The following SCAPER variants were observed in gnomAD, a reference collection of about 807,000 sequenced individuals.
SCAPER encodes S-phase cyclin A associated protein in the ER.
A neutral mutation model predicts 182.2 loss-of-function variants in SCAPER; 98 were observed. The observed-to-expected ratio is 0.54, with a 90% CI of 0.46 to 0.64. The LOEUF (loss-of-function observed/expected upper bound fraction) is 0.64, where lower values mean the gene tolerates loss of function less well. Ranked by LOEUF, SCAPER falls within the 30% of genes least tolerant of loss-of-function variation. The probability of loss-of-function intolerance (pLI) is 0.00; values close to 1 mark genes in which losing one functional copy is unlikely to be tolerated. For missense variants in SCAPER, 1,432 were observed against 1,690.0 expected (o/e 0.85, Z 2.68); for synonymous variants, 605 against 564.6 (o/e 1.07, Z -1.01).
At chr15:76,804,688 G>A in intron 5 of SCAPER, 55 bp from the exon 6 acceptor site, 3 of 1,154,236 alleles carry the variant, frequency 2.6e-6, no homozygotes, top group African/African-American at 1.6e-5. Flanking sequence ...TAAAAACTTT[G>A]AAGAAAAAAA....
intron 23 of SCAPER, among the ~76,000 whole-genome samples, chr15:76,528,434 A>T (rs931153607): frequency 1.3e-5 from 2 of 152,204 alleles, no homozygotes; most frequent in African/African-American, 4.8e-5. Context: ...TCCCATAAGC[A>T]CATCAACATG....
chr15:76,788,969 C>T (rs2064816447), intron 8 of SCAPER, among the ~76,000 whole-genome samples: 1 of 152,106 alleles, frequency 6.6e-6, no homozygotes, highest in Admixed American at 6.6e-5. Flanking sequence ...GGCCCAATTT[C>T]TGACATTCTT....
At chr15:76,750,833 G>T (rs1170309628) in intron 15 of SCAPER, among the ~76,000 whole-genome samples, 1 of 151,856 alleles carries the variant, frequency 6.6e-6, no homozygotes, top group Non-Finnish European at 1.5e-5. Flanking sequence ...TCAGGATCAA[G>T]ATAAAGATAC....
Position 76,883,828 on chromosome 15 carries a change from C to G in SCAPER, c.-11G>C. 6.5e-7 allele frequency: 1 copy of G among 1,530,420 alleles called. No individual in the cohort carries two copies. Among genetic ancestry groups the G allele is most frequent in the Non-Finnish European group, 8.8e-7 (1 of 1,132,364 alleles). 94.8% of individuals were successfully genotyped at this position (1,530,420 alleles called of 1,614,324 possible). ...ATCACTTACCATCATTCTTTAAATT[C>G]TCTTCTATGCCAAGATCATTTATCA... On this transcript the variant is annotated 5_prime_UTR_variant, in exon 2 of 32. Coordinates refer to ENST00000563290, the MANE Select transcript of SCAPER (RefSeq NM_020843.4).
chr15:76,472,250 A>G (rs1163423450), intron 24 of SCAPER: 10 of 557,348 alleles, frequency 1.8e-5, no homozygotes, highest in Admixed American at 3.9e-5. Flanking sequence ...GAGAGGAGGT[A>G]CCCAAAAAGA....
chr15:76,768,684 G>A lies in SCAPER; in HGVS notation c.1249-1596C>T, dbSNP rs867360333. On this transcript the variant is annotated intron_variant, in intron 10 of 31. Coordinates refer to ENST00000563290, the MANE Select transcript of SCAPER (RefSeq NM_020843.4). ...CGTAAATTATGATCTCAATACAGTCGTTAGAAAAGAAATAGATCCACAGTT... is the reference window on the plus strand; with the variant it reads ...CGTAAATTATGATCTCAATACAGTCATTAGAAAAGAAATAGATCCACAGTT... Among the ~76,000 whole-genome samples the A allele has an allele frequency of 5.5e-4, 84 of 151,974 alleles. 3 individuals are homozygous for A. Among genetic ancestry groups the A allele is most frequent in the African/African-American group, 9.7e-5 (4 of 41,372 alleles).
chr15:76,558,506 T>C lies in SCAPER; in HGVS notation c.2838+15652A>G, dbSNP rs139873198. Among the ~76,000 whole-genome samples, 45 of 152,256 alleles carry C rather than the reference T, an allele frequency of 3.0e-4. No individual in the cohort carries two copies. In the East Asian group the frequency reaches 7.7e-3, roughly 26 times the overall value. On this transcript the variant is annotated intron_variant, in intron 23 of 31. Coordinates refer to ENST00000563290, the MANE Select transcript of SCAPER (RefSeq NM_020843.4). ...CTCATACAAGTCAGAATGGCTATCATTAAAAAGTCAAAAATGAACAGATGC... is the reference window on the plus strand; with the variant it reads ...CTCATACAAGTCAGAATGGCTATCACTAAAAAGTCAAAAATGAACAGATGC...
At chr15:76,825,425 A>G (rs1016295888) in intron 5 of SCAPER, among the ~76,000 whole-genome samples, 5 of 152,238 alleles carry the variant, frequency 3.3e-5, no homozygotes, top group Non-Finnish European at 7.3e-5. Flanking sequence ...ATCAAGTATA[A>G]TAACTAATGT....
intron 20 of SCAPER, among the ~76,000 whole-genome samples, chr15:76,676,118 C>A (rs927297124): frequency 6.6e-6 from 1 of 152,206 alleles, no homozygotes; most frequent in African/African-American, 2.4e-5. Flanking sequence ...AGCCACTGTG[C>A]CCGGCTGAAA....
chr15:76,468,516 T>G (rs2049867825), intron 25 of SCAPER, among the ~76,000 whole-genome samples: 2 of 152,078 alleles, frequency 1.3e-5, no homozygotes, highest in Non-Finnish European at 2.9e-5. Context: ...CAAAGGGAAC[T>G]AGGCTTTCAA....
Position 76,753,803 on chromosome 15 carries a change from T to C in SCAPER, c.1866+5A>G. The C allele has an allele frequency of 6.2e-7, 1 of 1,610,456 alleles. No individual in the cohort carries two copies. The highest frequency in any genetic ancestry group is 8.5e-7 in the Non-Finnish European group (1 of 1,177,994). ...AAGTCAACATTTAAAGCTCTTATGATATACCTTAGCTTCTTCTTCTTGTGC... is the reference window on the plus strand; with the variant it reads ...AAGTCAACATTTAAAGCTCTTATGACATACCTTAGCTTCTTCTTCTTGTGC... On this transcript the variant is annotated splice_donor_5th_base_variant and intron_variant, in intron 15 of 31. Transcript: ENST00000563290.
rs537136936 is a variant in SCAPER, at chr15:76,520,480, A to C, written c.2839-15506T>G. On this transcript the variant is annotated intron_variant, in intron 23 of 31. Coordinates refer to ENST00000563290, the MANE Select transcript of SCAPER (RefSeq NM_020843.4). The stretch of plus-strand genomic sequence containing the variant: ...TGACCCAACCACCTTGACCTCCCAA[A>C]GTCCTGGGATGACAGGCATGAGCCA... 3.3e-5 allele frequency among the ~76,000 whole-genome samples: 5 copies of C among 152,262 alleles called. No individual in the cohort carries two copies. The East Asian group carries it at 9.6e-4, about 29-fold the overall frequency.
At chr15:76,652,343 T>TATACAC (rs1414716447) in intron 21 of SCAPER, among the ~76,000 whole-genome samples, 7 of 12,236 alleles carry the variant, frequency 5.7e-4, no homozygotes, top group Non-Finnish European at 9.6e-4. Context: ...TACACATATA[T>TATACAC]ACACACACAC....
In SCAPER at chr15:76,868,743, T is replaced by C. The variant is rs933072913; in HGVS notation, c.7-6210A>G. Among the ~76,000 whole-genome samples, 13 of 152,030 alleles carry C rather than the reference T, an allele frequency of 8.6e-5. 1 individual carries two copies. Among genetic ancestry groups the C allele is most frequent in the Non-Finnish European group, 1.6e-4 (11 of 67,996 alleles). ...TTTACAGATTCAATGCAATCCCTTT[T>C]CAAAATACCAATGACATTCTTTACA... On this transcript the variant is annotated intron_variant, in intron 2 of 31. Coordinates refer to ENST00000563290, the MANE Select transcript of SCAPER (RefSeq NM_020843.4).
intron 22 of SCAPER, among the ~76,000 whole-genome samples, chr15:76,611,563 C>T (rs146159542): frequency 5.3e-5 from 8 of 152,234 alleles, no homozygotes; most frequent in African/African-American, 9.6e-5. Flanking sequence ...AGGGACTCCA[C>T]CTTAACAGAT....
Position 76,593,087 on chromosome 15 carries a change from G to T in SCAPER, c.2712-18803C>A, listed in dbSNP as rs1247404675. On this transcript the variant is annotated intron_variant, in intron 22 of 31. Coordinates refer to ENST00000563290, the MANE Select transcript of SCAPER (RefSeq NM_020843.4). ...TATCCACTGGCTTGAAATTCTTGCT[G>T]CCAGCACAGCAGTCTGAAGTCGACC... Among the ~76,000 whole-genome samples the T allele has an allele frequency of 3.3e-5, 4 of 121,512 alleles. 1 individual carries two copies. The highest frequency in any genetic ancestry group is 1.0e-4 in the African/African-American group (4 of 39,756). 79.7% of individuals were successfully genotyped at this position (121,512 alleles called of 152,430 possible). A position where few individuals can be genotyped will look rare whatever the true frequency, so the allele number is the denominator to read the frequency against.
intron 24 of SCAPER, among the ~76,000 whole-genome samples, chr15:76,488,478 A>C (rs2051884676): frequency 6.6e-6 from 1 of 152,140 alleles, no homozygotes. Context: ...TTTTGTCACT[A>C]AACTAGTAAC....
chr15:76,661,411 A>G (rs993446103), intron 21 of SCAPER, among the ~76,000 whole-genome samples: 2 of 152,154 alleles, frequency 1.3e-5, no homozygotes, highest in African/African-American at 2.4e-5. Flanking sequence ...AATGGGAGAA[A>G]AATTTTTCAA....
At chr15:76,556,156 C>A (rs2046179908) in intron 23 of SCAPER, among the ~76,000 whole-genome samples, 1 of 152,138 alleles carries the variant, frequency 6.6e-6, no homozygotes, top group Non-Finnish European at 1.5e-5. Context: ...AATGAAACAA[C>A]CTGCTTCTGA....
Sources: allele counts gnomAD v4.1 joint callset (sites outside exome capture counted in the v4.1 genomes callset), GRCh38; gene constraint gnomAD v4.1.1; transcripts MANE v1.5; gene names NCBI Gene and HGNC (gene_info 2026-07-23, HGNC 2026-07-21).